The following RYK variants were observed in gnomAD, a reference collection of about 807,000 sequenced individuals.
RYK encodes receptor like tyrosine kinase.
In RYK, 21 loss-of-function variants were observed where a neutral mutation model predicts 70.2. That is an observed-to-expected ratio of 0.30 (90% CI 0.21 to 0.43). The LOEUF (loss-of-function observed/expected upper bound fraction) is 0.43. Among genes scored for constraint, RYK ranks in the 20% least tolerant of loss-of-function variants. RYK has a pLI of 1.00. For missense variants in RYK, 604 were observed against 753.3 expected (o/e 0.80, Z 2.32); for synonymous variants, 267 against 278.0 (o/e 0.96, Z 0.39).
At chr3:134,210,601 C>A (rs781626869) in intron 3 of RYK, among the ~76,000 whole-genome samples, 9 of 152,204 alleles carry the variant, frequency 5.9e-5, no homozygotes, top group Middle Eastern at 3.2e-3. Context: ...TTTCACAACA[C>A]TATTGTGGCT....
intron 1 of RYK, among the ~76,000 whole-genome samples, chr3:134,245,860 T>C (rs1280267104): frequency 6.6e-6 from 1 of 152,170 alleles, no homozygotes. Flanking sequence ...AAAGTCCACC[T>C]GAACTCACAA....
intron 13 of RYK, among the ~76,000 whole-genome samples, chr3:134,159,843 A>T (rs905395791): frequency 6.6e-6 from 1 of 152,252 alleles, no homozygotes; most frequent in Non-Finnish European, 1.5e-5. Context: ...GGATTAAAAA[A>T]ACTTCCAACC....
At chr3:134,203,724 A>C (rs566163033) in intron 5 of RYK, among the ~76,000 whole-genome samples, 1 of 152,380 alleles carries the variant, frequency 6.6e-6, no homozygotes, top group East Asian at 1.9e-4. Context: ...AAAACATACC[A>C]GTGCATAAAA....
At chr3:134,226,569 C>T (rs2014916643) in intron 1 of RYK, among the ~76,000 whole-genome samples, 1 of 152,026 alleles carries the variant, frequency 6.6e-6, no homozygotes, top group Non-Finnish European at 1.5e-5. Context: ...GAACAACATC[C>T]CTTATGAACA....
At chr3:134,173,198 A>G (rs992531384) in intron 13 of RYK, among the ~76,000 whole-genome samples, 2 of 151,944 alleles carry the variant, frequency 1.3e-5, no homozygotes, top group Non-Finnish European at 2.9e-5. Context: ...GGAGAATCGC[A>G]TGAACCCAGG....
At chr3:134,204,224 G>A (rs9825808) in intron 5 of RYK, among the ~76,000 whole-genome samples, 21,964 of 152,134 alleles carry the variant, frequency 0.14, 1,949 homozygotes, top group East Asian at 0.47. Context: ...GCTGGGTGCC[G>A]TGGCTCACAC....
intron 10 of RYK, 74 bp from the exon 11 acceptor site, chr3:134,178,147 A>G: frequency 9.2e-7 from 1 of 1,088,238 alleles, no homozygotes; most frequent in Non-Finnish European, 1.3e-6. Context: ...AATAAAAATA[A>G]TCTAAAACAA....
intron 13 of RYK, among the ~76,000 whole-genome samples, chr3:134,159,649 C>T (rs1302023781): frequency 6.6e-6 from 1 of 152,036 alleles, no homozygotes; most frequent in African/African-American, 2.4e-5. Context: ...TGAATTATGT[C>T]CAAGATTCTT....
intron 1 of RYK, among the ~76,000 whole-genome samples, chr3:134,223,757 T>C (rs946617701): frequency 1.3e-5 from 2 of 152,166 alleles, no homozygotes; most frequent in Non-Finnish European, 2.9e-5. Flanking sequence ...GACATATATA[T>C]TCCACAAGTT....
chr3:134,190,242 GT>G (rs914878464), intron 8 of RYK, among the ~76,000 whole-genome samples: 1 of 152,124 alleles, frequency 6.6e-6, no homozygotes, highest in Non-Finnish European at 1.5e-5. Flanking sequence ...CCTCACAAAG[GT>G]TTTCCCTTCT....
At position 134,216,792 on chromosome 3, in the gene RYK, C is replaced by CAAAA. The variant is rs61441674; in HGVS notation, c.355-5189_355-5186dup. 5.5e-3 allele frequency among the ~76,000 whole-genome samples: 206 copies of CAAAA among 37,424 alleles called. 43 individuals carry two copies. Among genetic ancestry groups the CAAAA allele is most frequent in the African/African-American group, 0.019 (186 of 9,936 alleles). 24.6% of individuals were successfully genotyped at this position (37,424 alleles called of 152,430 possible). A position where few individuals can be genotyped will look rare whatever the true frequency, so the allele number is the denominator to read the frequency against. On this transcript the variant is annotated intron_variant, in intron 2 of 14. Coordinates refer to ENST00000623711, the MANE Select transcript of RYK (RefSeq NM_002958.4). ...TGGGCGACAGAGTGAGACTCTGTCT[C>CAAAA]AAAAAAAAAAAAAAAAAAAAAAAAA...
intron 4 of RYK, among the ~76,000 whole-genome samples, chr3:134,209,392 G>A (rs2014321678): frequency 6.6e-6 from 1 of 152,168 alleles, no homozygotes; most frequent in Admixed American, 6.5e-5. Flanking sequence ...TAGTTACTCA[G>A]AAGTCCCAAC....
At chr3:134,158,933 TACTC>T (rs1434395724) in intron 14 of RYK, among the ~76,000 whole-genome samples, 6 of 152,248 alleles carry the variant, frequency 3.9e-5, no homozygotes, top group African/African-American at 9.6e-5. Context: ...AAAAGTCAGA[TACTC>T]ACTTTATATA....
intron 2 of RYK, among the ~76,000 whole-genome samples, chr3:134,217,712 A>C (rs752613289): frequency 6.6e-6 from 1 of 152,348 alleles, no homozygotes; most frequent in Non-Finnish European, 1.5e-5. Context: ...GAAAGACAAT[A>C]ATCAGGCAAC....
intron 13 of RYK, among the ~76,000 whole-genome samples, chr3:134,174,439 C>T (rs2013027915): frequency 6.6e-6 from 1 of 152,056 alleles, no homozygotes; most frequent in South Asian, 2.1e-4. Context: ...CACTTTGAAA[C>T]AAAAGAGTAG....
intron 2 of RYK, among the ~76,000 whole-genome samples, chr3:134,214,171 G>T (rs2014486108): frequency 6.6e-6 from 1 of 152,086 alleles, no homozygotes; most frequent in South Asian, 2.1e-4. Flanking sequence ...AGCCACACAG[G>T]ACTTGCAGAG....
chr3:134,235,165 T>A (rs1156320548), intron 1 of RYK, among the ~76,000 whole-genome samples: 1 of 152,148 alleles, frequency 6.6e-6, no homozygotes, highest in African/African-American at 2.4e-5. Context: ...TACACATTTT[T>A]AAGTACCATC....
chr3:134,241,101 G>C lies in RYK; in HGVS notation c.232+9322C>G, dbSNP rs757781616. Among the ~76,000 whole-genome samples the C allele has an allele frequency of 3.4e-4, 50 of 146,418 alleles. 1 individual carries two copies. The highest frequency in any genetic ancestry group is 3.3e-4 in the Non-Finnish European group (22 of 65,728). On this transcript the variant is annotated intron_variant, in intron 1 of 14. Transcript: ENST00000623711. The stretch of plus-strand genomic sequence containing the variant: ...TTTGGGAAGCCCAGACAGGGTTGGT[G>C]GGGGAGGGAAATCACTTGAAGTCAG...
intron 9 of RYK, among the ~76,000 whole-genome samples, 185 bp downstream of exon 9, chr3:134,188,652 A>C (rs562739093): frequency 1.6e-4 from 25 of 152,366 alleles, no homozygotes; most frequent in African/African-American, 6.0e-4. Context: ...TTCTATACTT[A>C]ATGAGAACAA....
Sources: gnomAD v4.1 joint callset for allele counts (sites outside exome capture counted in the v4.1 genomes callset) on GRCh38, gnomAD v4.1.1 for gene constraint, MANE v1.5 for transcripts, NCBI Gene and HGNC (gene_info 2026-07-23, HGNC 2026-07-21) for gene names.